Variants in SORL1 observed in about 807,000 individuals in gnomAD.
SORL1 encodes the protein sortilin related receptor 1.
Under a neutral mutation model 273.7 loss-of-function variants are expected in SORL1, and 127 were observed. The observed-to-expected ratio is 0.46, with a 90% CI of 0.40 to 0.54. SORL1 has a LOEUF of 0.54. SORL1 is among the 20% of genes least tolerant of loss of function. The probability of loss-of-function intolerance (pLI) is 0.00; values close to 1 mark genes in which losing one functional copy is unlikely to be tolerated. For synonymous variants in SORL1, 1,031 were observed against 1,067.4 expected (o/e 0.97, Z 0.66); for missense variants, 2,494 against 2,846.1 (o/e 0.88, Z 2.81).
At chr11:121,514,367 A>G in intron 8 of SORL1, 46 bp downstream of exon 8, 2 of 1,544,950 alleles carry the variant, frequency 1.3e-6, no homozygotes, top group Non-Finnish European at 1.8e-6. Flanking sequence ...GGCCAACACA[A>G]CCATTAGCTT....
At chr11:121,566,816 C>A in intron 21 of SORL1, 124 bp from the exon 22 acceptor site, 1 of 906,930 alleles carries the variant, frequency 1.1e-6, no homozygotes, top group Middle Eastern at 3.5e-4. Flanking sequence ...TGCCACTTGA[C>A]CCTTGAGAGC....
intron 37 of SORL1, 96 bp from the exon 38 acceptor site, chr11:121,608,008 C>A: frequency 8.8e-7 from 1 of 1,135,366 alleles, no homozygotes; most frequent in East Asian, 2.4e-5. Context: ...GCCTCACTGC[C>A]AAAATCTCAC....
chr11:121,561,382 G>A (rs922951740), intron 21 of SORL1, among the ~76,000 whole-genome samples: 2 of 152,182 alleles, frequency 1.3e-5, no homozygotes, highest in Admixed American at 6.5e-5. Context: ...CAAACGTGGT[G>A]TCTTGGTGCC....
At chr11:121,469,962 C>A in intron 1 of SORL1, 45 bp from the exon 2 acceptor site, 1 of 1,151,530 alleles carries the variant, frequency 8.7e-7, no homozygotes, top group Non-Finnish European at 1.3e-6. Context: ...ATGTGTGTGG[C>A]CATCACTTAT....
rs1863879660 is a variant in SORL1 at position 121,631,724 on chromosome 11, A to G, written c.*2161A>G. 6.6e-6 allele frequency: 1 copy of G among 152,232 alleles called. No individual in the cohort carries two copies. Among genetic ancestry groups the G allele is most frequent in the Non-Finnish European group, 1.5e-5 (1 of 68,042 alleles). The allele number at this position is 152,232 out of a possible 1,614,324, so 9.4% of individuals were successfully genotyped here. ...CAGTGCCTCCCAATGCTTAGTGCACAGTACTGTAGACTGGCCATCACCCCT... is the reference window on the plus strand; with the variant it reads ...CAGTGCCTCCCAATGCTTAGTGCACGGTACTGTAGACTGGCCATCACCCCT... On this transcript the variant is annotated 3_prime_UTR_variant, in exon 48 of 48. Transcript: ENST00000260197.
At chr11:121,544,435 G>A (rs1435519702) in intron 13 of SORL1, among the ~76,000 whole-genome samples, 2 of 152,118 alleles carry the variant, frequency 1.3e-5, no homozygotes, top group African/African-American at 2.4e-5. Flanking sequence ...CTGTCACTCG[G>A]TGTGTTTCAC....
At chr11:121,605,607 G>C in intron 35 of SORL1, 36 bp downstream of exon 35, 1 of 1,580,136 alleles carries the variant, frequency 6.3e-7, no homozygotes, top group South Asian at 1.1e-5. Flanking sequence ...GCATGGGTAA[G>C]ACCTCAGGTC....
At chr11:121,606,705 G>A (rs1863478859) in intron 35 of SORL1, 140 bp from the exon 36 acceptor site, 3 of 645,346 alleles carry the variant, frequency 4.6e-6, no homozygotes, top group Non-Finnish European at 8.4e-6. Context: ...TCAATGTGAC[G>A]ACCAAGCTAG....
intron 1 of SORL1, among the ~76,000 whole-genome samples, chr11:121,454,722 T>A (rs1860872097): frequency 6.6e-6 from 1 of 152,272 alleles, no homozygotes; most frequent in African/African-American, 2.4e-5. Context: ...TTCCCTGTAC[T>A]GGGCTTTCTG....
chr11:121,562,308 G>A (rs1862689177), intron 21 of SORL1, among the ~76,000 whole-genome samples: 1 of 152,012 alleles, frequency 6.6e-6, no homozygotes, highest in Admixed American at 6.5e-5. Flanking sequence ...TATTATTTTT[G>A]TTGTCTCCTC....
At chr11:121,487,270 C>G (rs186503257) in intron 3 of SORL1, among the ~76,000 whole-genome samples, 240 of 152,302 alleles carry the variant, frequency 1.6e-3, no homozygotes, top group African/African-American at 5.3e-3. Context: ...AGCTCCTGAG[C>G]GTCTGGTCCG....
At chr11:121,602,076 A>G (rs1471168659) in intron 32 of SORL1, among the ~76,000 whole-genome samples, 4 of 152,188 alleles carry the variant, frequency 2.6e-5, no homozygotes, top group Admixed American at 1.3e-4. Context: ...TAGGACCTCC[A>G]TGAATGTTCA....
intron 6 of SORL1, among the ~76,000 whole-genome samples, chr11:121,505,028 T>C (rs1306427630): frequency 6.6e-6 from 1 of 152,204 alleles, no homozygotes; most frequent in Non-Finnish European, 1.5e-5. Flanking sequence ...GTTAAACCAA[T>C]GCACATTTTT....
At chr11:121,589,966 G>C in intron 29 of SORL1, 74 bp from the exon 30 acceptor site, 1 of 1,555,348 alleles carries the variant, frequency 6.4e-7, no homozygotes, top group Non-Finnish European at 8.8e-7. Flanking sequence ...GTCTGGAGGA[G>C]GATGCCTAGA....
intron 5 of SORL1, among the ~76,000 whole-genome samples, chr11:121,495,578 C>T (rs1287874411): frequency 1.3e-5 from 2 of 152,128 alleles, no homozygotes. Flanking sequence ...TTCCTTGAGT[C>T]ATCACTCTGT....
chr11:121,523,455 G>A (rs549028664), intron 11 of SORL1, among the ~76,000 whole-genome samples: 196 of 152,110 alleles, frequency 1.3e-3, no homozygotes, highest in African/African-American at 4.5e-3. Flanking sequence ...AGGCACTTTC[G>A]TCTCACTCTG....
At chr11:121,614,127 C>G (rs1863607664) in intron 40 of SORL1, among the ~76,000 whole-genome samples, 1 of 152,158 alleles carries the variant, frequency 6.6e-6, no homozygotes, top group Non-Finnish European at 1.5e-5. Context: ...TTTTCTTTTT[C>G]TTAGTTTTAA....
Position 121,543,688 on chromosome 11 carries a change from G to A in SORL1, c.1826G>A (p.Ser609Asn). The stretch of plus-strand genomic sequence containing the variant: ...GGCTCGAACAAAGAGAATGTCCACA[G>A]CTGGCTGATCCTCCAGGTCAATGCC... ...IFGSNKENVH[S>N]WLILQVNATD... Residue 609 changes from serine (S) to asparagine (N), a missense_variant, in exon 13 of 48, where the codon AGC becomes AAC. By Grantham distance (46) the Ser-to-Asn change is conservative (BLOSUM62 1). This residue lies in a region of SORL1 where 710 missense variants were observed against 882.5 expected (regional missense o/e 0.80). Transcript: ENST00000260197. The A allele has an allele frequency of 6.2e-7, 1 of 1,613,990 alleles. No homozygotes were observed. Among genetic ancestry groups the A allele is most frequent in the Non-Finnish European group, 8.5e-7 (1 of 1,179,972 alleles).
At chr11:121,502,666 G>A (rs1346578525) in intron 6 of SORL1, among the ~76,000 whole-genome samples, 1 of 152,142 alleles carries the variant, frequency 6.6e-6, no homozygotes. Context: ...TCACGTGGCT[G>A]TTGGCCATTT....
Sources: allele counts gnomAD v4.1 joint callset (sites outside exome capture counted in the v4.1 genomes callset), GRCh38; gene constraint gnomAD v4.1.1; regional missense constraint gnomAD v4.1.1; transcripts MANE v1.5; gene names NCBI Gene and HGNC (gene_info 2026-07-23, HGNC 2026-07-21).